Variants in EVI5 observed in about 807,000 individuals in gnomAD.
EVI5 encodes ecotropic viral integration site 5 protein homolog.
EVI5 carries 73 observed loss-of-function variants against 112.0 expected under a neutral mutation model. That is an observed-to-expected ratio of 0.65 (90% CI 0.54 to 0.79). The LOEUF is 0.79. Among genes scored for constraint, EVI5 ranks in the 30% least tolerant of loss-of-function variants. EVI5 has a pLI of 0.00. For synonymous variants in EVI5, 305 were observed against 319.9 expected (o/e 0.95, Z 0.50); for missense variants, 900 against 968.8 (o/e 0.93, Z 0.94).
At chr1:92,789,513 A>T (rs1024061448), upstream of EVI5, among the ~76,000 whole-genome samples, 2 of 152,162 alleles carry the variant, frequency 1.3e-5, no homozygotes, top group African/African-American at 4.8e-5. Context: ...CATGTTAGCC[A>T]GGACGGTCTC....
Position 92,538,785 on chromosome 1 carries a change from G to C in EVI5, c.2167-24815C>G, listed in dbSNP as rs927503592. Among the ~76,000 whole-genome samples the C allele has an allele frequency of 2.0e-5, 3 of 152,194 alleles. No individual in the cohort carries two copies. The East Asian group carries it at 5.8e-4, about 29-fold the overall frequency. ...GTCTGTAAGGATGAGCAGAGGTGGAGGGAGGAGAAATCAGGCACAGGTGGC... is the reference window on the plus strand; with the variant it reads ...GTCTGTAAGGATGAGCAGAGGTGGACGGAGGAGAAATCAGGCACAGGTGGC... On this transcript the variant is annotated intron_variant, in intron 19 of 19. Transcript: ENST00000684568.
chr1:92,511,908 A>G lies in EVI5; in HGVS notation c.*1748T>C, dbSNP rs940501374. 6 of 151,516 alleles carry G rather than the reference A, an allele frequency of 4.0e-5. No individual in the cohort carries two copies. The highest frequency in any genetic ancestry group is 9.8e-5 in the African/African-American group (4 of 41,020). The allele number at this position is 151,516 out of a possible 1,614,324, so 9.4% of individuals were successfully genotyped here. ...ACTTTTATCTCTTCTACTCTATTTC[A>G]TATTTTTTTTTTTGCCGCATGCAAC... On this transcript the variant is annotated 3_prime_UTR_variant, in exon 20 of 20. Coordinates refer to ENST00000684568, the MANE Select transcript of EVI5 (RefSeq NM_001350197.2).
chr1:92,654,000 T>C (rs1327503606), intron 13 of EVI5, among the ~76,000 whole-genome samples: 1 of 151,922 alleles, frequency 6.6e-6, no homozygotes, highest in African/African-American at 2.4e-5. Context: ...TCAGTGTACT[T>C]ACCAGGAGCT....
intron 1 of EVI5, among the ~76,000 whole-genome samples, chr1:92,737,756 A>G (rs920562694): frequency 6.6e-6 from 1 of 152,166 alleles, no homozygotes; most frequent in African/African-American, 2.4e-5. Flanking sequence ...TAGCAGGGAA[A>G]TTCCATGTAC....
At chr1:92,520,985 A>C (rs1660834954) in intron 19 of EVI5, among the ~76,000 whole-genome samples, 1 of 147,254 alleles carries the variant, frequency 6.8e-6, no homozygotes, top group Admixed American at 6.8e-5. Context: ...TTTTTGAGAC[A>C]GGGTCTCACT....
intron 19 of EVI5, among the ~76,000 whole-genome samples, chr1:92,523,002 C>T (rs115772212): frequency 0.026 from 3,894 of 152,114 alleles, 146 homozygotes; most frequent in African/African-American, 0.079. Context: ...CAAGCAATTC[C>T]CTCACCTCAG....
intron 19 of EVI5, among the ~76,000 whole-genome samples, chr1:92,551,634 T>C (rs764047904): frequency 5.3e-5 from 8 of 152,226 alleles, no homozygotes; most frequent in Non-Finnish European, 8.8e-5. Context: ...AGTTTAGATA[T>C]AATTAAAATG....
intron 19 of EVI5, among the ~76,000 whole-genome samples, chr1:92,551,284 T>G (rs376629406): frequency 2.4e-4 from 1 of 4,194 alleles, no homozygotes; most frequent in Non-Finnish European, 3.5e-4. Context: ...GCCTCTGCCT[T>G]CCCTAAGTGC....
chr1:92,685,191 T>C (rs961347598), intron 9 of EVI5, among the ~76,000 whole-genome samples: 1 of 151,976 alleles, frequency 6.6e-6, no homozygotes, highest in African/African-American at 2.4e-5. Flanking sequence ...AGAACAGAAA[T>C]CACAACAAAC....
chr1:92,728,810 T>C (rs1376588246), intron 2 of EVI5, among the ~76,000 whole-genome samples: 1 of 152,218 alleles, frequency 6.6e-6, no homozygotes, highest in Non-Finnish European at 1.5e-5. Context: ...TGAAATCTCA[T>C]GCCATGCTAC....
chr1:92,701,671 G>GT lies in EVI5; in HGVS notation c.639+469dup, dbSNP rs774009027. 6.6e-5 allele frequency among the ~76,000 whole-genome samples: 10 copies of GT among 152,070 alleles called. No individual in the cohort carries two copies. In the South Asian group the frequency reaches 1.2e-3, roughly 19 times the overall value. On this transcript the variant is annotated intron_variant, in intron 5 of 19. Coordinates refer to ENST00000684568, the MANE Select transcript of EVI5 (RefSeq NM_001350197.2). ...AATAACAAAGTTATATCCCTAGGGG[G>GT]TAAAAGTGGCTGAGTACCACTATTT...
intron 18 of EVI5, among the ~76,000 whole-genome samples, chr1:92,599,944 CTA>C (rs1648760949): frequency 6.6e-6 from 1 of 151,996 alleles, no homozygotes; most frequent in African/African-American, 2.4e-5. Flanking sequence ...AATGAAATTT[CTA>C]TGTTTTAGAG....
At chr1:92,736,746 T>C in intron 1 of EVI5, 119 bp from the exon 2 acceptor site, 2 of 744,966 alleles carry the variant, frequency 2.7e-6, no homozygotes, top group Non-Finnish European at 4.5e-6. Context: ...TTTGAGGAAG[T>C]AAAGGTAAAA....
intron 10 of EVI5, among the ~76,000 whole-genome samples, chr1:92,671,279 T>C (rs1665837501): frequency 6.6e-6 from 1 of 152,218 alleles, no homozygotes; most frequent in Admixed American, 6.5e-5. Context: ...GTATTTGACA[T>C]GGTAAATCCT....
chr1:92,670,211 A>G lies in EVI5; in HGVS notation c.1159-4219T>C, dbSNP rs374433474. Among the ~76,000 whole-genome samples the G allele has an allele frequency of 6.0e-4, 91 of 152,370 alleles. 1 individual carries two copies. The highest frequency in any genetic ancestry group is 2.1e-3 in the African/African-American group (86 of 41,594). On this transcript the variant is annotated intron_variant, in intron 10 of 19. Coordinates refer to ENST00000684568, the MANE Select transcript of EVI5 (RefSeq NM_001350197.2). ...AAAACTTGTTATATACAAAGATGTT[A>G]ACCATTAGCATTATTTTTAATAAGA...
At chr1:92,770,883 C>T (rs1683328101) in intron 1 of EVI5, among the ~76,000 whole-genome samples, 1 of 151,584 alleles carries the variant, frequency 6.6e-6, no homozygotes, top group Admixed American at 6.6e-5. Context: ...TGGCCCGATC[C>T]CGGTTCACTG....
intron 13 of EVI5, among the ~76,000 whole-genome samples, chr1:92,655,869 C>G (rs1038697030): frequency 6.6e-6 from 1 of 152,092 alleles, no homozygotes; most frequent in African/African-American, 2.4e-5. Context: ...CATCCTGAGA[C>G]AGTGCCTTGG....
chr1:92,671,735 C>T (rs551324862), intron 10 of EVI5, among the ~76,000 whole-genome samples: 5 of 152,096 alleles, frequency 3.3e-5, no homozygotes, highest in African/African-American at 1.2e-4. Flanking sequence ...TACATTCTAG[C>T]TGTCCACTTT....
intron 18 of EVI5, among the ~76,000 whole-genome samples, chr1:92,571,522 T>C (rs912691669): frequency 6.6e-6 from 1 of 152,192 alleles, no homozygotes; most frequent in Non-Finnish European, 1.5e-5. Flanking sequence ...GTTCTACATT[T>C]TATGCTCTCA....
Sources: allele counts gnomAD v4.1 joint callset (sites outside exome capture counted in the v4.1 genomes callset), GRCh38; gene constraint gnomAD v4.1.1; transcripts MANE v1.5; gene names NCBI Gene and HGNC (gene_info 2026-07-23, HGNC 2026-07-21).